Variants in AIG1 observed in about 807,000 individuals in gnomAD.
AIG1 encodes the protein androgen-induced gene 1 protein.
A neutral mutation model predicts 31.4 loss-of-function variants in AIG1; 23 were observed. The observed-to-expected ratio is 0.73, with a 90% CI of 0.53 to 1.04. The LOEUF (loss-of-function observed/expected upper bound fraction) is 1.04. Ranked by LOEUF, AIG1 falls within the 50% of genes least tolerant of loss-of-function variation. The probability of loss-of-function intolerance (pLI) is 0.00; values close to 1 mark genes in which losing one functional copy is unlikely to be tolerated. For synonymous variants in AIG1, 100 were observed against 110.5 expected, an observed-to-expected ratio of 0.90 and a Z score of 0.60; for missense variants, 274 against 295.0, an observed-to-expected ratio of 0.93 and a Z score of 0.52.
chr6:143,100,690 CTTT>C (rs35504854), intron 1 of AIG1, among the ~76,000 whole-genome samples: 1 of 145,398 alleles, frequency 6.9e-6, no homozygotes, highest in Non-Finnish European at 1.5e-5. Context: ...AGTTTATTCT[CTTT>C]TTTTTTTTTT....
chr6:143,205,190 C>T lies in AIG1; in HGVS notation c.399+40007C>T, dbSNP rs1039474520. 3.9e-5 allele frequency among the ~76,000 whole-genome samples: 6 copies of T among 152,134 alleles called. No homozygotes were observed. The East Asian group carries it at 7.7e-4, about 20-fold the overall frequency. ...CCATCTATGTGCCTTATTCCCAGTT[C>T]GTGCTTTTAAGGGATGGAGCACACC... is the stretch of plus-strand genomic sequence containing the variant. On this transcript the variant is annotated intron_variant, in intron 3 of 5. Transcript: ENST00000357847.
chr6:143,217,804 C>G (rs1034198264), intron 3 of AIG1, among the ~76,000 whole-genome samples: 8 of 152,198 alleles, frequency 5.3e-5, no homozygotes, highest in African/African-American at 1.9e-4. Flanking sequence ...CCACCACACC[C>G]GACCACTTTC....
At chr6:143,149,900 G>A (rs1785051117) in intron 2 of AIG1, among the ~76,000 whole-genome samples, 1 of 152,200 alleles carries the variant, frequency 6.6e-6, no homozygotes, top group Non-Finnish European at 1.5e-5. Flanking sequence ...GTTGCAAAAT[G>A]TATCCAGTAT....
intron 3 of AIG1, among the ~76,000 whole-genome samples, chr6:143,168,154 TATTA>T (rs1787141396): frequency 1.3e-5 from 2 of 152,120 alleles, no homozygotes; most frequent in South Asian, 4.1e-4. Flanking sequence ...TTTTAATAAC[TATTA>T]ATTTGTACTT....
rs149525654 is a variant in AIG1 at position 143,149,254 on chromosome 6, C to T, written c.297+12264C>T. On this transcript the variant is annotated intron_variant, in intron 2 of 5. Coordinates refer to ENST00000357847, the MANE Select transcript of AIG1 (RefSeq NM_016108.4). ...CAGAATAAGAGTAGGAGGCTGGGTGCGGTGGCTTACACCTGTAATCCCAGC... is the reference window on the plus strand; with the variant it reads ...CAGAATAAGAGTAGGAGGCTGGGTGTGGTGGCTTACACCTGTAATCCCAGC... Among the ~76,000 whole-genome samples, 825 of 152,096 alleles carry T rather than the reference C, an allele frequency of 5.4e-3. 6 individuals are homozygous for T. The highest frequency in any genetic ancestry group is 0.019 in the African/African-American group (791 of 41,492).
intron 3 of AIG1, chr6:143,190,461 A>G (rs918437892): frequency 2.0e-6 from 2 of 985,298 alleles, no homozygotes; most frequent in Non-Finnish European, 2.4e-6. Context: ...TAGGGAGCTT[A>G]TCATTATTTA....
At position 143,298,698 on chromosome 6, in the gene AIG1, G is replaced by A. The variant is rs1406843907; in HGVS notation, c.515+14473G>A. On this transcript the variant is annotated intron_variant, in intron 4 of 5. Coordinates refer to ENST00000357847, the MANE Select transcript of AIG1 (RefSeq NM_016108.4). The surrounding 1 kb of genome is among the most constrained non-coding windows in gnomAD (Gnocchi z 5.1). ...GATTGCTTGAGCCCAGGAATTTGAG[G>A]CTGTAGTATAGTATGCTTGTGCCAC... 6.6e-6 allele frequency: 1 copy of A among 152,310 alleles called. No homozygotes were observed. Among genetic ancestry groups the A allele is most frequent in the African/African-American group, 2.4e-5 (1 of 41,430 alleles). The allele number at this position is 152,310 out of a possible 1,614,324, so 9.4% of individuals were successfully genotyped here.
intron 1 of AIG1, among the ~76,000 whole-genome samples, chr6:143,102,473 AAATAT>A (rs1441715346): frequency 6.8e-6 from 1 of 147,180 alleles, no homozygotes; most frequent in Non-Finnish European, 1.5e-5. Context: ...TATATATATA[AAATAT>A]AATATATATA....
At chr6:143,205,302 G>A (rs1791026898) in intron 3 of AIG1, among the ~76,000 whole-genome samples, 2 of 152,160 alleles carry the variant, frequency 1.3e-5, no homozygotes, top group Non-Finnish European at 1.5e-5. Flanking sequence ...CCTTCTGGAG[G>A]AAAAACAGAG....
chr6:143,287,819 A>G (rs977044168), intron 4 of AIG1, among the ~76,000 whole-genome samples: 1 of 151,868 alleles, frequency 6.6e-6, no homozygotes, highest in South Asian at 2.1e-4. Context: ...AGTAGTATAA[A>G]CAGTAATGTT....
intron 2 of AIG1, among the ~76,000 whole-genome samples, chr6:143,159,028 CTGTTTT>C (rs1786074170): frequency 6.6e-6 from 1 of 152,182 alleles, no homozygotes; most frequent in African/African-American, 2.4e-5. Flanking sequence ...TAGCAAGAGC[CTGTTTT>C]CTGCCAGGTT....
chr6:143,305,298 T>A (rs1246723664), intron 4 of AIG1, among the ~76,000 whole-genome samples: 2 of 152,218 alleles, frequency 1.3e-5, no homozygotes, highest in African/African-American at 4.8e-5. Flanking sequence ...GCTTTTCTAG[T>A]TCTTTTAATT....
rs1798661899 is a variant in AIG1 at position 143,299,301 on chromosome 6, A to T, written c.515+15076A>T. On this transcript the variant is annotated intron_variant, in intron 4 of 5. Coordinates refer to ENST00000357847, the MANE Select transcript of AIG1 (RefSeq NM_016108.4). The surrounding 1 kb of genome is among the most constrained non-coding windows in gnomAD (Gnocchi z 4.1). ...GTAATCTCTTCTTCTCACAGTCCTT[A>T]GGAATACTCTTCCAAGTCTCAGCTA... 1 of 152,236 alleles carries T rather than the reference A, an allele frequency of 6.6e-6. No homozygotes were observed. Among genetic ancestry groups the T allele is most frequent in the Admixed American group, 6.5e-5 (1 of 15,282 alleles). 9.4% of individuals were successfully genotyped at this position (152,236 alleles called of 1,614,324 possible). A position where few individuals can be genotyped will look rare whatever the true frequency, so the allele number is the denominator to read the frequency against.
intron 4 of AIG1, among the ~76,000 whole-genome samples, chr6:143,312,592 A>G (rs934130486): frequency 2.0e-5 from 3 of 152,120 alleles, no homozygotes; most frequent in Non-Finnish European, 4.4e-5. Flanking sequence ...CTAATACCTC[A>G]AACTATGAAA....
At chr6:143,134,336 ATTTATC>A (rs1401098381) in intron 1 of AIG1, among the ~76,000 whole-genome samples, 1 of 145,446 alleles carries the variant, frequency 6.9e-6, no homozygotes, top group Non-Finnish European at 1.5e-5. Context: ...GCATCCTTAA[ATTTATC>A]TTTGCATTTT....
At chr6:143,342,413 A>G, downstream of AIG1, 1 of 736,540 alleles carries the variant, frequency 1.4e-6, no homozygotes, top group Non-Finnish European at 2.5e-6. Flanking sequence ...TCAGAAAAGA[A>G]CCCAGTAAGG....
chr6:143,248,637 G>A (rs192637048), intron 3 of AIG1, among the ~76,000 whole-genome samples: 1 of 152,160 alleles, frequency 6.6e-6, no homozygotes, highest in Non-Finnish European at 1.5e-5. Context: ...GATGTAAAAG[G>A]CCAGCTCATC....
In AIG1 at chr6:143,329,494, C is replaced by T. The variant is rs1478634452; in HGVS notation, c.516-3788C>T. On this transcript the variant is annotated intron_variant, in intron 4 of 5. Coordinates refer to ENST00000357847, the MANE Select transcript of AIG1 (RefSeq NM_016108.4). This position sits in a 1 kb window ranked among gnomAD's most constrained non-coding sequence, Gnocchi z 4.9. ...ATTACATTAGCAGCTCTGACATAGT[C>T]TCATTTATACCCTATAAGCTCTGAT... Among the ~76,000 whole-genome samples, 1 of 152,198 alleles carries T rather than the reference C, an allele frequency of 6.6e-6. No individual in the cohort carries two copies. The highest frequency in any genetic ancestry group is 1.5e-5 in the Non-Finnish European group (1 of 68,044).
chr6:143,317,357 A>G (rs768285949), intron 4 of AIG1, among the ~76,000 whole-genome samples: 4 of 152,232 alleles, frequency 2.6e-5, no homozygotes, highest in African/African-American at 9.6e-5. Flanking sequence ...TAACATACAC[A>G]TATCAGTAAA....
Sources: allele counts gnomAD v4.1 joint callset (sites outside exome capture counted in the v4.1 genomes callset), GRCh38; gene constraint gnomAD v4.1.1; non-coding constraint Gnocchi (gnomAD v3.1); transcripts MANE v1.5; gene names NCBI Gene and HGNC (gene_info 2026-07-23, HGNC 2026-07-21).